AKAP12: variants seen among roughly 807,000 people sequenced by gnomAD.
AKAP12 encodes A-kinase anchoring protein 12, also known as A-kinase anchor protein 12.
Under a neutral mutation model 79.9 loss-of-function variants are expected in AKAP12, and 32 were observed. The observed-to-expected ratio is 0.40, with a 90% CI of 0.30 to 0.54. The LOEUF (loss-of-function observed/expected upper bound fraction) is 0.54, where lower values mean the gene tolerates loss of function less well. AKAP12 is among the 20% of genes least tolerant of loss of function. The pLI is 0.48. For missense variants in AKAP12, 2,074 were observed against 2,177.0 expected (o/e 0.95, Z 0.94); for synonymous variants, 808 against 857.0 (o/e 0.94, Z 1.00).
At chr6:151,311,398 C>T (rs557643767) in intron 3 of AKAP12, among the ~76,000 whole-genome samples, 1 of 152,364 alleles carries the variant, frequency 6.6e-6, no homozygotes, top group African/African-American at 2.4e-5. Context: ...TGCTTTAAAA[C>T]TGTCAGCCAG....
chr6:151,341,728 G>C (rs1228443409), intron 3 of AKAP12: 1 of 1,274,954 alleles, frequency 7.8e-7, no homozygotes, highest in African/African-American at 1.5e-5. Context: ...GCCCCGCAGC[G>C]ATGGCGGACA....
intron 2 of AKAP12, among the ~76,000 whole-genome samples, chr6:151,293,715 C>G (rs12212879): frequency 2.0e-5 from 3 of 152,182 alleles, no homozygotes; most frequent in Non-Finnish European, 4.4e-5. Context: ...CAGTATTCCT[C>G]TGAAGCTTAA....
intron 3 of AKAP12, among the ~76,000 whole-genome samples, chr6:151,345,594 C>T (rs1237171976): frequency 1.3e-5 from 2 of 150,364 alleles, no homozygotes; most frequent in Non-Finnish European, 3.0e-5. Context: ...CAGGAGTTCT[C>T]GAGACCAGCC....
chr6:151,250,681 C>T lies in AKAP12; in HGVS notation c.162+9957C>T, dbSNP rs534982375. Among the ~76,000 whole-genome samples the T allele has an allele frequency of 2.7e-3, 414 of 150,564 alleles. 4 individuals carry two copies. Among genetic ancestry groups the T allele is most frequent in the Non-Finnish European group, 5.0e-3 (338 of 67,600 alleles). ...AGTGCAGTGGCGCGATCTCGGCTCA[C>T]TGCAAACTCCGCCTCCCGGGTTCAC... On this transcript the variant is annotated intron_variant, in intron 2 of 4. Coordinates refer to ENST00000402676, the MANE Select transcript of AKAP12 (RefSeq NM_005100.4).
intron 2 of AKAP12, among the ~76,000 whole-genome samples, chr6:151,259,221 T>C (rs1049893545): frequency 2.6e-5 from 4 of 151,176 alleles, no homozygotes; most frequent in Admixed American, 1.3e-4. Context: ...ATTTTTTGAA[T>C]TTTTAGTAGA....
Position 151,261,741 on chromosome 6 carries a change from ATTTATTTATTT to A in AKAP12, c.162+21018_162+21028del, listed in dbSNP as rs1562711467. Reference sequence around the variant, plus strand: ...AACAGTGGTTTTTATTATTTTATTTATTTATTTATTTATTTATTTATTTATTTATTTATGAG... The same window carrying A: ...AACAGTGGTTTTTATTATTTTATTTAATTTATTTATTTATTTATTTATGAG... On this transcript the variant is annotated intron_variant, in intron 2 of 4. Coordinates refer to ENST00000402676, the MANE Select transcript of AKAP12 (RefSeq NM_005100.4). Among the ~76,000 whole-genome samples, 22 of 31,482 alleles carry A rather than the reference ATTTATTTATTT, an allele frequency of 7.0e-4. No individual in the cohort carries two copies. The African/African-American group carries it at 0.013, about 18-fold the overall frequency. The allele number at this position is 31,482 out of a possible 152,430, so 20.7% of individuals were successfully genotyped here. A position where few individuals can be genotyped will look rare whatever the true frequency, so the allele number is the denominator to read the frequency against.
intron 2 of AKAP12, among the ~76,000 whole-genome samples, chr6:151,291,067 G>T (rs1287761048): frequency 6.6e-6 from 1 of 152,108 alleles, no homozygotes; most frequent in Non-Finnish European, 1.5e-5. Context: ...TTCCTTTTGA[G>T]AGCTGGTCTC....
chr6:151,349,626 A>G lies in AKAP12; in HGVS notation c.1235A>G (p.Gln412Arg), dbSNP rs746860906. 2 of 1,612,704 alleles carry G rather than the reference A, an allele frequency of 1.2e-6. No individual in the cohort carries two copies. Among genetic ancestry groups the G allele is most frequent in the Non-Finnish European group, 1.7e-6 (2 of 1,179,634 alleles). The change falls in exon 4 of 5, where the codon CAA (glutamine) becomes CGA (arginine). Residue 412 changes from glutamine (Q) to arginine (R), a missense_variant. Coordinates refer to ENST00000402676, the MANE Select transcript of AKAP12 (RefSeq NM_005100.4). The stretch of plus-strand genomic sequence containing the variant: ...TTTGATGAGAAAATAGAAGTCCACC[A>G]AGAAGAGGTTGTGGCCGAAGTCCAC... ...EVFDEKIEVH[Q>R]EEVVAEVHVS...
In AKAP12 at chr6:151,351,238, G is replaced by T; in HGVS notation, c.2847G>T (p.Thr949=). 6.2e-7 allele frequency: 1 copy of T among 1,614,238 alleles called. No individual in the cohort carries two copies. Among genetic ancestry groups the T allele is most frequent in the Non-Finnish European group, 8.5e-7 (1 of 1,180,054 alleles). Residue 949 remains threonine (T), a synonymous_variant, in exon 4 of 5, where the codon ACG becomes ACT. Coordinates refer to ENST00000402676, the MANE Select transcript of AKAP12 (RefSeq NM_005100.4). The surrounding 1 kb of genome is among the most constrained non-coding windows in gnomAD (Gnocchi z 4.4). ...REVIAEEEPP[T]VTEPLPENRE... ...TAATTGCAGAAGAAGAACCCCCCAC[G>T]GTTACTGAACCTCTGCCAGAGAACA...
rs367974864 is a variant in AKAP12 at position 151,329,502 on chromosome 6, A to G, written c.320-19209A>G. On this transcript the variant is annotated intron_variant, in intron 3 of 4. Transcript: ENST00000402676. ...ATTGATACATTGCAAACTGTGAAGT[A>G]TCATGAGAAACAGGGACATTATTCT... 4.9e-4 allele frequency among the ~76,000 whole-genome samples: 75 copies of G among 152,386 alleles called. 3 individuals are homozygous for G. The South Asian group carries it at 0.015, about 30-fold the overall frequency.
intron 3 of AKAP12, chr6:151,348,465 C>T (rs1778171187): frequency 1.7e-6 from 1 of 575,736 alleles, no homozygotes; most frequent in East Asian, 3.7e-5. Flanking sequence ...ATAGTGAGAT[C>T]TCATCTCTAC....
At position 151,356,623 on chromosome 6, in the gene AKAP12, TAA is replaced by T. The variant is rs1344267786; in HGVS notation, c.*910_*911del. Reference sequence around the variant, plus strand: ...GACTGCATTCACACATGGCATGAAATAAGTCAGGTTCTTTACAAATGGTATTT... The same window carrying T: ...GACTGCATTCACACATGGCATGAAATGTCAGGTTCTTTACAAATGGTATTT... On this transcript the variant is annotated 3_prime_UTR_variant, in exon 5 of 5. Coordinates refer to ENST00000402676, the MANE Select transcript of AKAP12 (RefSeq NM_005100.4). 1 of 152,242 alleles carries T rather than the reference TAA, an allele frequency of 6.6e-6. No individual in the cohort carries two copies. The highest frequency in any genetic ancestry group is 1.5e-5 in the Non-Finnish European group (1 of 68,024). 9.4% of individuals were successfully genotyped at this position (152,242 alleles called of 1,614,324 possible).
At chr6:151,304,900 T>C (rs2114755260) in intron 2 of AKAP12, among the ~76,000 whole-genome samples, 2 of 152,300 alleles carry the variant, frequency 1.3e-5, no homozygotes, top group South Asian at 2.1e-4. Context: ...ACTGATGCCA[T>C]CAGTTGCACA....
intron 3 of AKAP12, among the ~76,000 whole-genome samples, chr6:151,317,757 A>G (rs1050212636): frequency 1.3e-5 from 2 of 152,238 alleles, no homozygotes; most frequent in South Asian, 2.1e-4. Flanking sequence ...GAAAACATCA[A>G]TATATGTTGA....
intron 2 of AKAP12, among the ~76,000 whole-genome samples, chr6:151,265,224 T>G (rs1223348263): frequency 6.6e-6 from 1 of 152,082 alleles, no homozygotes; most frequent in East Asian, 1.9e-4. Flanking sequence ...CTTTTTTTTT[T>G]TTTTGCAATA....
chr6:151,280,041 T>TA lies in AKAP12; in HGVS notation c.163-25706_163-25705insA, dbSNP rs963286035. 8.6e-5 allele frequency among the ~76,000 whole-genome samples: 13 copies of TA among 151,476 alleles called. No homozygotes were observed. In the South Asian group the frequency reaches 2.5e-3, roughly 29 times the overall value. On this transcript the variant is annotated intron_variant, in intron 2 of 4. Coordinates refer to ENST00000402676, the MANE Select transcript of AKAP12 (RefSeq NM_005100.4). ...CAAACATATCCTTTCGGTTGTTGTTTTTTTTTTTTAAATATGCATATAGAT... is the reference window on the plus strand; with the variant it reads ...CAAACATATCCTTTCGGTTGTTGTTTATTTTTTTTTAAATATGCATATAGAT...
At chr6:151,325,717 C>G in intron 3 of AKAP12, 1 of 1,502,028 alleles carries the variant, frequency 6.7e-7, no homozygotes, top group Non-Finnish European at 8.9e-7. Context: ...CCGGTTCTCC[C>G]CCATCCTCCG....
At chr6:151,245,283 T>G (rs1482833149) in intron 2 of AKAP12, among the ~76,000 whole-genome samples, 1 of 151,540 alleles carries the variant, frequency 6.6e-6, no homozygotes, top group East Asian at 1.9e-4. Context: ...CACTAAGCAT[T>G]CTAAGAAAAA....
chr6:151,250,852 C>T (rs557608547), intron 2 of AKAP12, among the ~76,000 whole-genome samples: 4 of 152,086 alleles, frequency 2.6e-5, no homozygotes, highest in Admixed American at 6.5e-5. Flanking sequence ...GTGATCCACC[C>T]GCCTCGGCCT....
Sources: gnomAD v4.1 joint callset for allele counts (sites outside exome capture counted in the v4.1 genomes callset) on GRCh38, gnomAD v4.1.1 for gene constraint, Gnocchi (gnomAD v3.1) non-coding constraint, MANE v1.5 for transcripts, NCBI Gene and HGNC (gene_info 2026-07-23, HGNC 2026-07-21) for gene names.